The following TAFA4 variants were observed in gnomAD, a reference collection of about 807,000 sequenced individuals.
The protein encoded by TAFA4 is chemokine-like protein TAFA-4.
A neutral mutation model predicts 21.1 loss-of-function variants in TAFA4; 20 were observed. That is an observed-to-expected ratio of 0.95 (90% confidence interval 0.67 to 1.38). The LOEUF is 1.38. Ranked by LOEUF, TAFA4 falls within the 40% of genes most tolerant of loss-of-function variation. The pLI, the probability that TAFA4 is intolerant of heterozygous loss-of-function variation, is 0.00. For missense variants in TAFA4, 211 were observed against 180.9 expected (o/e 1.17, Z -0.95); for synonymous variants, 71 against 67.4 (o/e 1.05, Z -0.26).
Position 68,885,195 on chromosome 3 carries a change from T to A in TAFA4, c.-7A>T. 6.2e-7 allele frequency: 1 copy of A among 1,612,710 alleles called. No homozygotes were observed. The highest frequency in any genetic ancestry group is 8.5e-7 in the Non-Finnish European group (1 of 1,179,254). ...CTTACCTTGGGGACCTCATAAGATGTGGTTCTAGTCAAACACACTTATTCC... is the reference window on the plus strand; with the variant it reads ...CTTACCTTGGGGACCTCATAAGATGAGGTTCTAGTCAAACACACTTATTCC... On this transcript the variant is annotated 5_prime_UTR_variant, in exon 2 of 6. Transcript: ENST00000295569.
chr3:68,831,867 G>A (rs984300348), intron 3 of TAFA4, among the ~76,000 whole-genome samples: 8 of 152,106 alleles, frequency 5.3e-5, no homozygotes, highest in African/African-American at 1.4e-4. Context: ...ATTTCTTGGA[G>A]TCTTTGTTCA....
chr3:68,807,345 T>C (rs537565459), intron 3 of TAFA4, among the ~76,000 whole-genome samples: 9 of 152,298 alleles, frequency 5.9e-5, no homozygotes, highest in Admixed American at 5.2e-4. Context: ...AGTGAGGCCT[T>C]GTTAAGGCAT....
chr3:68,814,082 C>T (rs1225213505), intron 3 of TAFA4, among the ~76,000 whole-genome samples: 6 of 152,124 alleles, frequency 3.9e-5, no homozygotes, highest in South Asian at 2.1e-4. Flanking sequence ...ATTATCTCAA[C>T]AGACGCAGAA....
chr3:68,758,004 T>C (rs1702689192), intron 3 of TAFA4, among the ~76,000 whole-genome samples: 1 of 152,204 alleles, frequency 6.6e-6, no homozygotes, highest in South Asian at 2.1e-4. Flanking sequence ...TCCGATTTTA[T>C]CTTTAAGAAA....
chr3:68,916,084 C>A (rs932441383), intron 1 of TAFA4: 5 of 152,170 alleles, frequency 3.3e-5, no homozygotes, highest in African/African-American at 1.2e-4. Flanking sequence ...GTGAGAAATT[C>A]TTTCTTGTGG....
At chr3:68,747,385 T>G (rs1050828202) in intron 4 of TAFA4, among the ~76,000 whole-genome samples, 5 of 151,054 alleles carry the variant, frequency 3.3e-5, no homozygotes, top group Non-Finnish European at 5.9e-5. Flanking sequence ...TGGGGGTGGG[T>G]TTTTTTTTCC....
rs139111307 is a variant in TAFA4, at chr3:68,765,972, C to G, written c.131-12954G>C. 2.3e-3 allele frequency among the ~76,000 whole-genome samples: 348 copies of G among 152,246 alleles called. 1 individual carries two copies. The highest frequency in any genetic ancestry group is 3.9e-3 in the Non-Finnish European group (263 of 68,020). ...ATTAGTCACCATTCCCATCCATATT[C>G]AGAGAGTCCATGCTTCCATAAAAAA... On this transcript the variant is annotated intron_variant, in intron 3 of 5. Transcript: ENST00000295569.
intron 3 of TAFA4, among the ~76,000 whole-genome samples, chr3:68,773,502 C>G (rs1024161006): frequency 6.6e-6 from 1 of 152,166 alleles, no homozygotes; most frequent in Admixed American, 6.5e-5. Context: ...TGTGACTAAA[C>G]CCAATCTCCA....
At chr3:68,790,867 C>G (rs1195630152) in intron 3 of TAFA4, among the ~76,000 whole-genome samples, 1 of 152,210 alleles carries the variant, frequency 6.6e-6, no homozygotes, top group East Asian at 1.9e-4. Context: ...CTCTGGCCCA[C>G]TTCCTCAACA....
chr3:68,910,859 G>T (rs1314696341), intron 1 of TAFA4, among the ~76,000 whole-genome samples: 2 of 152,110 alleles, frequency 1.3e-5, no homozygotes, highest in Non-Finnish European at 2.9e-5. Context: ...AACCTCATAG[G>T]TTTGTTCTAA....
At chr3:68,734,445 A>G (rs1002274852) in intron 5 of TAFA4, among the ~76,000 whole-genome samples, 27 of 152,138 alleles carry the variant, frequency 1.8e-4, no homozygotes, top group Non-Finnish European at 3.8e-4. Flanking sequence ...CCGCTCTTCT[A>G]TACAGGATGT....
chr3:68,929,468 G>C (rs1295763960), intron 1 of TAFA4, among the ~76,000 whole-genome samples: 1 of 152,144 alleles, frequency 6.6e-6, no homozygotes, highest in African/African-American at 2.4e-5. Context: ...TGATTGATTG[G>C]CTTCAGGACT....
chr3:68,810,946 C>A (rs1296976155), intron 3 of TAFA4, among the ~76,000 whole-genome samples: 1 of 152,188 alleles, frequency 6.6e-6, no homozygotes, highest in African/African-American at 2.4e-5. Flanking sequence ...TGACACCTCA[C>A]ACGGCCAGGT....
At chr3:68,893,550 T>C (rs115632857) in intron 1 of TAFA4, among the ~76,000 whole-genome samples, 268 of 152,324 alleles carry the variant, frequency 1.8e-3, no homozygotes, top group African/African-American at 6.2e-3. Flanking sequence ...TGTAAACAAA[T>C]ACAGTTTAAC....
In TAFA4 at chr3:68,864,887, A is replaced by G. The variant is rs531611052; in HGVS notation, c.130+15843T>C. Among the ~76,000 whole-genome samples, 8 of 152,252 alleles carry G rather than the reference A, an allele frequency of 5.3e-5. No individual in the cohort carries two copies. The South Asian group carries it at 1.7e-3, about 32-fold the overall frequency. Reference sequence around the variant, plus strand: ...AGATGAAAAAGAAGATGATTCCACAAACAAAATTCTAGAAAATGCAAACTC... The same window carrying G: ...AGATGAAAAAGAAGATGATTCCACAGACAAAATTCTAGAAAATGCAAACTC... On this transcript the variant is annotated intron_variant, in intron 3 of 5. Transcript: ENST00000295569.
intron 3 of TAFA4, among the ~76,000 whole-genome samples, chr3:68,828,812 G>A (rs1230639405): frequency 1.3e-5 from 2 of 152,126 alleles, no homozygotes; most frequent in Non-Finnish European, 2.9e-5. Context: ...ATACAATCGT[G>A]TCATGTGCAA....
intron 3 of TAFA4, among the ~76,000 whole-genome samples, chr3:68,771,825 T>G (rs1702963966): frequency 1.3e-5 from 2 of 152,254 alleles, no homozygotes. Context: ...GAGCTTCATA[T>G]TCACCAAAAT....
intron 3 of TAFA4, among the ~76,000 whole-genome samples, chr3:68,854,858 G>A (rs148519887): frequency 3.6e-4 from 55 of 152,056 alleles, no homozygotes; most frequent in Middle Eastern, 3.4e-3. Context: ...AAACAGAAAA[G>A]AAATATTTTA....
At chr3:68,811,595 G>C (rs1703840812) in intron 3 of TAFA4, among the ~76,000 whole-genome samples, 1 of 152,144 alleles carries the variant, frequency 6.6e-6, no homozygotes, top group Admixed American at 6.5e-5. Context: ...TCAAAAGAAT[G>C]AAATGAAGCG....
Sources: gnomAD v4.1 joint callset for allele counts (sites outside exome capture counted in the v4.1 genomes callset) on GRCh38, gnomAD v4.1.1 for gene constraint, MANE v1.5 for transcripts, NCBI Gene and HGNC (gene_info 2026-07-23, HGNC 2026-07-21) for gene names.